PRR16: variants seen among roughly 807,000 people sequenced by gnomAD.
PRR16 encodes the protein proline rich 16, also known as protein Largen.
Under a neutral mutation model 18.2 loss-of-function variants are expected in PRR16, and 6 were observed. The observed-to-expected ratio is 0.33, with a 90% CI of 0.18 to 0.65. The LOEUF (loss-of-function observed/expected upper bound fraction) is 0.65, where lower values mean the gene tolerates loss of function less well. Ranked by LOEUF, PRR16 falls within the 30% of genes least tolerant of loss-of-function variation. PRR16 has a pLI of 0.74. For missense variants in PRR16, 412 were observed against 376.6 expected (o/e 1.09, Z -0.78); for synonymous variants, 151 against 147.8 (o/e 1.02, Z -0.16).
At chr5:120,529,053 A>G (rs968072367) in intron 1 of PRR16, among the ~76,000 whole-genome samples, 2 of 152,142 alleles carry the variant, frequency 1.3e-5, no homozygotes, top group African/African-American at 2.4e-5. Context: ...TCCTCCCTGA[A>G]AAACAAACTT....
At chr5:120,522,381 G>A (rs1378406777) in intron 1 of PRR16, among the ~76,000 whole-genome samples, 3 of 152,106 alleles carry the variant, frequency 2.0e-5, no homozygotes. Context: ...GTGTGAGATG[G>A]TATCTCATTG....
chr5:120,651,075 C>T (rs1755766334), intron 1 of PRR16, among the ~76,000 whole-genome samples: 1 of 152,084 alleles, frequency 6.6e-6, no homozygotes, highest in Non-Finnish European at 1.5e-5. Context: ...TCTCTGATGG[C>T]CAGTGATGAT....
intron 1 of PRR16, among the ~76,000 whole-genome samples, chr5:120,538,918 G>A (rs888167777): frequency 6.6e-6 from 1 of 152,190 alleles, no homozygotes; most frequent in African/African-American, 2.4e-5. Flanking sequence ...TCGTGAGTTT[G>A]TTCCCTGGAG....
At chr5:120,692,194 G>A (rs191215065), downstream of PRR16, among the ~76,000 whole-genome samples, 1 of 152,332 alleles carries the variant, frequency 6.6e-6, no homozygotes, top group East Asian at 1.9e-4. Flanking sequence ...AGGCTGTTGG[G>A]AGATATAAGG....
At chr5:120,621,690 G>C (rs906795960) in intron 1 of PRR16, among the ~76,000 whole-genome samples, 1 of 152,064 alleles carries the variant, frequency 6.6e-6, no homozygotes, top group Non-Finnish European at 1.5e-5. Flanking sequence ...TGATGGTGTT[G>C]TAAGGGGCTC....
intron 1 of PRR16, among the ~76,000 whole-genome samples, chr5:120,541,798 A>G (rs2112684089): frequency 6.6e-6 from 1 of 152,254 alleles, no homozygotes; most frequent in East Asian, 1.9e-4. Flanking sequence ...TTCAGGGCTT[A>G]AATAGGCTTT....
the PRR16 span, among the ~76,000 whole-genome samples, chr5:120,776,719 G>A: frequency 1.3e-5 from 2 of 152,046 alleles, no homozygotes; most frequent in Non-Finnish European, 2.9e-5. Context: ...GATTATATTT[G>A]TATTTGTACT....
intron 1 of PRR16, among the ~76,000 whole-genome samples, chr5:120,653,691 T>TA (rs77483091): frequency 1.1e-4 from 17 of 150,820 alleles, no homozygotes; most frequent in African/African-American, 2.4e-4. Flanking sequence ...TGCTTCACAT[T>TA]AAAAAAAAAT....
intron 1 of PRR16, among the ~76,000 whole-genome samples, chr5:120,586,579 G>A (rs1047782371): frequency 2.0e-5 from 3 of 151,856 alleles, no homozygotes; most frequent in South Asian, 2.1e-4. Flanking sequence ...CATCAGTTAT[G>A]GTGATCTGTG....
chr5:120,672,499 A>C (rs1756643631), intron 1 of PRR16, among the ~76,000 whole-genome samples: 1 of 146,966 alleles, frequency 6.8e-6, no homozygotes, highest in Non-Finnish European at 1.5e-5. Context: ...AGCAATTGCA[A>C]ATTAATTAAA....
the PRR16 span, among the ~76,000 whole-genome samples, chr5:120,742,616 C>T: frequency 1.3e-5 from 2 of 151,964 alleles, no homozygotes; most frequent in African/African-American, 4.8e-5. Context: ...TATTGGCTTT[C>T]TTCAAAGAAA....
chr5:120,770,657 CT>C, the PRR16 span, among the ~76,000 whole-genome samples: 1 of 151,882 alleles, frequency 6.6e-6, no homozygotes, highest in Non-Finnish European at 1.5e-5. Context: ...AGAGAAAATA[CT>C]TGCAAATCAT....
chr5:120,774,936 C>T, the PRR16 span, among the ~76,000 whole-genome samples: 1 of 152,150 alleles, frequency 6.6e-6, no homozygotes, highest in Non-Finnish European at 1.5e-5. Context: ...GATTTATTTA[C>T]AACCTCAAAG....
At chr5:120,519,354 A>G (rs1167604168) in intron 1 of PRR16, among the ~76,000 whole-genome samples, 1 of 152,164 alleles carries the variant, frequency 6.6e-6, no homozygotes, top group African/African-American at 2.4e-5. Flanking sequence ...TATTCTGTAT[A>G]GTGATAATTA....
chr5:120,791,616 T>C, the PRR16 span, among the ~76,000 whole-genome samples: 3 of 149,402 alleles, frequency 2.0e-5, no homozygotes, highest in African/African-American at 7.6e-5. Context: ...TCTATCTATC[T>C]ATCTATCCAT....
At chr5:120,764,980 G>T in the PRR16 span, among the ~76,000 whole-genome samples, 4 of 148,146 alleles carry the variant, frequency 2.7e-5, no homozygotes, top group African/African-American at 1.0e-4. Context: ...AACCATGACT[G>T]CAAAAGACTG....
chr5:120,793,632 G>A, the PRR16 span, among the ~76,000 whole-genome samples: 2 of 152,096 alleles, frequency 1.3e-5, no homozygotes, highest in Non-Finnish European at 2.9e-5. Flanking sequence ...AAAATATGAA[G>A]AGTAAAAACA....
the PRR16 span, among the ~76,000 whole-genome samples, chr5:120,694,960 C>T: frequency 6.6e-6 from 1 of 152,020 alleles, no homozygotes; most frequent in African/African-American, 2.4e-5. Flanking sequence ...AAAATTCTGA[C>T]CAAGCATAAA....
chr5:120,769,725 A>T, the PRR16 span, among the ~76,000 whole-genome samples: 18 of 152,034 alleles, frequency 1.2e-4, no homozygotes, highest in Admixed American at 2.6e-4. Flanking sequence ...ATATATGCCC[A>T]GAAGCGGAAT....
Sources: gnomAD v4.1 joint callset for allele counts (sites outside exome capture counted in the v4.1 genomes callset) on GRCh38, gnomAD v4.1.1 for gene constraint, MANE v1.5 for transcripts, NCBI Gene and HGNC (gene_info 2026-07-23, HGNC 2026-07-21) for gene names.